Variants in CD163L1 observed in about 807,000 individuals in gnomAD.
CD163L1 encodes the protein CD163 molecule like 1.
CD163L1 carries 124 observed loss-of-function variants against 165.4 expected under a neutral mutation model. The observed-to-expected ratio is 0.75, with a 90% confidence interval of 0.65 to 0.87. The LOEUF is 0.87. CD163L1 is among the 40% of genes least tolerant of loss of function. The pLI is 0.00. For synonymous variants in CD163L1, 585 were observed against 662.2 expected (o/e 0.88, Z 1.79); for missense variants, 1,525 against 1,799.9 (o/e 0.85, Z 2.76).
At chr12:7,335,383 C>A in the CD163L1 span, among the ~76,000 whole-genome samples, 1 of 152,136 alleles carries the variant, frequency 6.6e-6, no homozygotes, top group African/African-American at 2.4e-5. Flanking sequence ...CAAAAACAAG[C>A]AATGGGGAAA....
chr12:7,421,632 T>C lies in CD163L1; in HGVS notation c.766+10784A>G, dbSNP rs1389977485. ...ATATACATATATGTACATATATACA[T>C]ATATGTACACATATACATATATGTA... On this transcript the variant is annotated intron_variant, in intron 4 of 19. Coordinates refer to ENST00000313599, the MANE Select transcript of CD163L1 (RefSeq NM_174941.6). 0.011 allele frequency among the ~76,000 whole-genome samples: 1,147 copies of C among 104,942 alleles called. 57 individuals are homozygous for C. In the East Asian group the frequency reaches 0.13, roughly 12 times the overall value. 68.8% of individuals were successfully genotyped at this position (104,942 alleles called of 152,430 possible).
intron 4 of CD163L1, among the ~76,000 whole-genome samples, chr12:7,422,376 T>A (rs190524551): frequency 2.6e-5 from 4 of 152,132 alleles, no homozygotes; most frequent in African/African-American, 9.6e-5. Flanking sequence ...AACCGGAATA[T>A]CTCTTTTCTT....
chr12:7,415,872 G>A (rs1948228624), intron 4 of CD163L1, among the ~76,000 whole-genome samples: 1 of 152,120 alleles, frequency 6.6e-6, no homozygotes, highest in African/African-American at 2.4e-5. Context: ...TGTGAACAGT[G>A]CCACAATAAA....
intron 4 of CD163L1, among the ~76,000 whole-genome samples, chr12:7,414,774 C>T (rs1381323248): frequency 6.6e-6 from 1 of 152,056 alleles, no homozygotes; most frequent in Non-Finnish European, 1.5e-5. Context: ...TCAACAGAAC[C>T]TTGCAACCTA....
chr12:7,421,450 T>TATGTACATATATACATATATATAC (rs1555202311), intron 4 of CD163L1, among the ~76,000 whole-genome samples: 3,300 of 114,314 alleles, frequency 0.029, 545 homozygotes, highest in African/African-American at 0.046. Context: ...CATATACATA[T>TATGTACATATATACATATATATAC]ATGTACATAT....
chr12:7,393,818 C>T (rs1370195030), intron 8 of CD163L1, among the ~76,000 whole-genome samples: 3 of 152,130 alleles, frequency 2.0e-5, no homozygotes, highest in African/African-American at 7.2e-5. Flanking sequence ...CTCCCATTCA[C>T]ATTTGCTACA....
chr12:7,376,063 A>G (rs368659422), intron 9 of CD163L1, 49 bp from the exon 10 acceptor site: 26 of 1,525,190 alleles, frequency 1.7e-5, no homozygotes, highest in Non-Finnish European at 2.1e-5. Flanking sequence ...TCCAATATCT[A>G]TCCCTGTCTC....
At chr12:7,371,214 T>A (rs953282690) in intron 14 of CD163L1, among the ~76,000 whole-genome samples, 8 of 152,212 alleles carry the variant, frequency 5.3e-5, no homozygotes, top group Non-Finnish European at 1.2e-4. Flanking sequence ...GTCTCTGGTA[T>A]TTCTTTATTA....
rs199954245 is a variant in CD163L1, at chr12:7,367,215, G to A, written c.4279+21C>T. On this transcript the variant is annotated intron_variant, in intron 18 of 19. Transcript: ENST00000313599. Reference sequence around the variant, plus strand: ...TATTCCCACCCTCTCCATGGAGTGCGGCCCCTGGAGTTGCACAGACCTGAG... The same window carrying A: ...TATTCCCACCCTCTCCATGGAGTGCAGCCCCTGGAGTTGCACAGACCTGAG... 82 of 1,479,370 alleles carry A rather than the reference G, an allele frequency of 5.5e-5. No individual in the cohort carries two copies. The East Asian group carries it at 1.2e-3, about 22-fold the overall frequency. The allele number at this position is 1,479,370 out of a possible 1,614,324, so 91.6% of individuals were successfully genotyped here. A position where few individuals can be genotyped will look rare whatever the true frequency, so the allele number is the denominator to read the frequency against.
intron 2 of CD163L1, among the ~76,000 whole-genome samples, chr12:7,438,044 A>G (rs1948763099): frequency 6.6e-6 from 1 of 152,040 alleles, no homozygotes; most frequent in Non-Finnish European, 1.5e-5. Context: ...CTTACATTAC[A>G]CACATATTTT....
intron 4 of CD163L1, among the ~76,000 whole-genome samples, chr12:7,427,017 A>T (rs1948555345): frequency 6.6e-6 from 1 of 152,180 alleles, no homozygotes; most frequent in Non-Finnish European, 1.5e-5. Flanking sequence ...ACAAGAAAAA[A>T]TATATATGAG....
chr12:7,404,720 T>A (rs1947983006), intron 5 of CD163L1, among the ~76,000 whole-genome samples: 1 of 152,160 alleles, frequency 6.6e-6, no homozygotes, highest in Non-Finnish European at 1.5e-5. Context: ...ATTGAATAGG[T>A]TAGTCTTCGG....
rs1555202291 is a variant in CD163L1, at chr12:7,421,432, C to CAT, written c.766+10982_766+10983dup. On this transcript the variant is annotated intron_variant, in intron 4 of 19. Transcript: ENST00000313599. ...CCAAATGTATATATACATATATGTA[C>CAT]ATATATACATATACATATATGTACA... 4.6e-3 allele frequency among the ~76,000 whole-genome samples: 434 copies of CAT among 95,018 alleles called. 22 individuals are homozygous for CAT. Among genetic ancestry groups the CAT allele is most frequent in the African/African-American group, 0.017 (405 of 23,878 alleles). 62.3% of individuals were successfully genotyped at this position (95,018 alleles called of 152,430 possible). A position where few individuals can be genotyped will look rare whatever the true frequency, so the allele number is the denominator to read the frequency against.
chr12:7,433,730 A>G, intron 2 of CD163L1, 36 bp from the exon 3 acceptor site: 1 of 1,494,382 alleles, frequency 6.7e-7, no homozygotes, highest in Middle Eastern at 1.8e-4. Flanking sequence ...TAGAGATGGC[A>G]AAGATTAGAA....
intron 4 of CD163L1, among the ~76,000 whole-genome samples, chr12:7,418,871 T>C (rs749328928): frequency 1.3e-5 from 2 of 151,978 alleles, no homozygotes; most frequent in African/African-American, 2.4e-5. Flanking sequence ...AGCAGTGATA[T>C]TGAAATGGTA....
intron 10 of CD163L1, 28 bp from the exon 11 acceptor site, chr12:7,375,623 ACAT>A (rs772856655): frequency 1.9e-5 from 30 of 1,610,060 alleles, no homozygotes; most frequent in Middle Eastern, 1.6e-4. Flanking sequence ...CATAGAAGAG[ACAT>A]CATGACTTAT....
chr12:7,368,065 A>T lies in CD163L1; in HGVS notation c.4183+22T>A, dbSNP rs753270527. ...TGGTGGCAGGTAACTCACATTTTAT[A>T]CAATCCTAGTGGGGCTCTCACCTCT... On this transcript the variant is annotated intron_variant, in intron 17 of 19. Coordinates refer to ENST00000313599, the MANE Select transcript of CD163L1 (RefSeq NM_174941.6). The surrounding 1 kb of genome is among the most constrained non-coding windows in gnomAD (Gnocchi z 4.3). 1 of 1,406,456 alleles carries T rather than the reference A, an allele frequency of 7.1e-7. No homozygotes were observed. Among genetic ancestry groups the T allele is most frequent in the African/African-American group, 1.4e-5 (1 of 70,538 alleles). The allele number at this position is 1,406,456 out of a possible 1,614,324, so 87.1% of individuals were successfully genotyped here. A position where few individuals can be genotyped will look rare whatever the true frequency, so the allele number is the denominator to read the frequency against.
At chr12:7,376,101 T>C (rs1947268217) in intron 9 of CD163L1, 87 bp from the exon 10 acceptor site, 1 of 1,169,298 alleles carries the variant, frequency 8.6e-7, no homozygotes. Flanking sequence ...CCCAGAGCAA[T>C]TTTTCTCCAT....
the CD163L1 span, chr12:7,327,202 G>A: frequency 2.3e-6 from 3 of 1,300,506 alleles, no homozygotes; most frequent in East Asian, 5.1e-5. Flanking sequence ...TATATAGGTA[G>A]AAGACACTTT....
Sources: allele counts gnomAD v4.1 joint callset (sites outside exome capture counted in the v4.1 genomes callset), GRCh38; gene constraint gnomAD v4.1.1; non-coding constraint Gnocchi (gnomAD v3.1); transcripts MANE v1.5; gene names NCBI Gene and HGNC (gene_info 2026-07-23, HGNC 2026-07-21).